The following TMCC1 variants were observed in gnomAD, a reference collection of about 807,000 sequenced individuals.
TMCC1 encodes transmembrane and coiled-coil domains protein 1.
TMCC1 carries 15 observed loss-of-function variants against 52.4 expected under a neutral mutation model. That is an observed-to-expected ratio of 0.29 (90% CI 0.19 to 0.44). TMCC1 has a LOEUF of 0.44. Ranked by LOEUF, TMCC1 falls within the 20% of genes least tolerant of loss-of-function variation. The pLI, the probability that TMCC1 is intolerant of heterozygous loss-of-function variation, is 1.00. For synonymous variants in TMCC1, 279 were observed against 301.9 expected, an observed-to-expected ratio of 0.92 and a Z score of 0.79; for missense variants, 503 against 806.0, an observed-to-expected ratio of 0.62 and a Z score of 4.55.
intron 4 of TMCC1, among the ~76,000 whole-genome samples, chr3:129,676,035 T>TC (rs2088411566): frequency 2.8e-5 from 2 of 70,824 alleles, no homozygotes; most frequent in African/African-American, 2.6e-4. Context: ...AGACTCTGTC[T>TC]CAAAAAAAAA....
chr3:129,754,083 C>T (rs1294308637), intron 4 of TMCC1, among the ~76,000 whole-genome samples: 3 of 152,084 alleles, frequency 2.0e-5, no homozygotes, highest in Non-Finnish European at 4.4e-5. Context: ...TCCTATGTAC[C>T]AGCAATGAGC....
At chr3:129,767,240 G>A (rs1166232280) in intron 4 of TMCC1, among the ~76,000 whole-genome samples, 1 of 146,986 alleles carries the variant, frequency 6.8e-6, no homozygotes, top group African/African-American at 2.5e-5. Flanking sequence ...CAGCCTGGGC[G>A]ACAGTGAGAC....
chr3:129,829,706 G>T (rs1407516804), intron 3 of TMCC1, among the ~76,000 whole-genome samples: 1 of 152,108 alleles, frequency 6.6e-6, no homozygotes, highest in Non-Finnish European at 1.5e-5. Context: ...TACCAATGAA[G>T]CACCATGGTG....
At chr3:129,892,223 A>C (rs1302594379) in intron 1 of TMCC1, among the ~76,000 whole-genome samples, 1 of 152,204 alleles carries the variant, frequency 6.6e-6, no homozygotes, top group Non-Finnish European at 1.5e-5. Flanking sequence ...AGCAGCTCAA[A>C]ACTCTTCAGA....
chr3:129,724,854 A>G (rs2049947484), intron 4 of TMCC1, among the ~76,000 whole-genome samples: 1 of 152,214 alleles, frequency 6.6e-6, no homozygotes, highest in South Asian at 2.1e-4. Flanking sequence ...CAATGGAGAT[A>G]AAAGAAAACT....
chr3:129,671,352 T>C (rs2087926148), intron 4 of TMCC1, 88 bp from the exon 5 acceptor site: 3 of 1,341,228 alleles, frequency 2.2e-6, no homozygotes, highest in South Asian at 3.0e-5. Flanking sequence ...GAAATGTGTC[T>C]ACTCTCAAAT....
chr3:129,746,258 C>T (rs1020491836), intron 4 of TMCC1, among the ~76,000 whole-genome samples: 1 of 152,012 alleles, frequency 6.6e-6, no homozygotes, highest in Admixed American at 6.5e-5. Context: ...GCAACCTCCA[C>T]CCCCCAGCTT....
intron 4 of TMCC1, among the ~76,000 whole-genome samples, chr3:129,686,822 A>G (rs9848099): frequency 0.99 from 150,076 of 152,294 alleles, 73,986 homozygotes; most frequent in East Asian, 1. Context: ...AGAAAAGGAG[A>G]TTGCTACTTT....
chr3:129,893,135 A>T (rs1363526642), intron 1 of TMCC1: 1 of 152,244 alleles, frequency 6.6e-6, no homozygotes, highest in African/African-American at 2.4e-5. Context: ...CGGCTCCTAA[A>T]CAGTCCCTCG....
intron 4 of TMCC1, among the ~76,000 whole-genome samples, chr3:129,712,746 C>A (rs2109000291): frequency 6.6e-6 from 1 of 152,148 alleles, no homozygotes; most frequent in African/African-American, 2.4e-5. Flanking sequence ...AGCCACCACG[C>A]CTGGCCATTT....
At position 129,721,833 on chromosome 3, in the gene TMCC1, G is replaced by A. The variant is rs371157748; in HGVS notation, c.577-50569C>T. ...AGAGCTTGCAGTGAGCCGAGATGGC[G>A]CCACTGCACTCCAGCCTGGGCGACA... On this transcript the variant is annotated intron_variant, in intron 4 of 6. Transcript: ENST00000393238. Among the ~76,000 whole-genome samples the A allele has an allele frequency of 5.9e-5, 9 of 152,002 alleles. No individual in the cohort carries two copies. In the East Asian group the frequency reaches 1.2e-3, roughly 20 times the overall value.
At chr3:129,732,297 G>A (rs2050605250) in intron 4 of TMCC1, among the ~76,000 whole-genome samples, 1 of 152,142 alleles carries the variant, frequency 6.6e-6, no homozygotes, top group African/African-American at 2.4e-5. Flanking sequence ...GGACATCCTT[G>A]CACTGTTCCC....
At chr3:129,670,049 T>C (rs1388414472) in intron 5 of TMCC1, among the ~76,000 whole-genome samples, 1 of 152,244 alleles carries the variant, frequency 6.6e-6, no homozygotes, top group Non-Finnish European at 1.5e-5. Flanking sequence ...TTCAATGTAG[T>C]ACAGTTACAG....
rs922328525 is a variant in TMCC1 at position 129,828,609 on chromosome 3, G to A, written c.-130-101C>T. On this transcript the variant is annotated intron_variant, in intron 3 of 6. Coordinates refer to ENST00000393238, the MANE Select transcript of TMCC1 (RefSeq NM_001017395.5). The surrounding 1 kb of genome is among the most constrained non-coding windows in gnomAD (Gnocchi z 4.1). ...TAAAACAAAGAAAAACATGCTACTGGCCAAACAAATAGGCACTATCATTAA... is the reference window on the plus strand; with the variant it reads ...TAAAACAAAGAAAAACATGCTACTGACCAAACAAATAGGCACTATCATTAA... The A allele has an allele frequency of 6.5e-6, 3 of 463,468 alleles. No homozygotes were observed. Among genetic ancestry groups the A allele is most frequent in the African/African-American group, 4.0e-5 (2 of 50,194 alleles). The allele number at this position is 463,468 out of a possible 1,614,324, so 28.7% of individuals were successfully genotyped here.
chr3:129,760,809 G>T (rs1413946701), intron 4 of TMCC1, among the ~76,000 whole-genome samples: 1 of 151,226 alleles, frequency 6.6e-6, no homozygotes. Context: ...AAGGGGTTTC[G>T]CCATGTTGCC....
At chr3:129,788,870 G>C (rs1247469820) in intron 4 of TMCC1, among the ~76,000 whole-genome samples, 1 of 152,128 alleles carries the variant, frequency 6.6e-6, no homozygotes, top group African/African-American at 2.4e-5. Context: ...TTGGATATTT[G>C]AGTATTCAAG....
At chr3:129,689,542 C>T (rs72977261) in intron 4 of TMCC1, among the ~76,000 whole-genome samples, 3 of 152,132 alleles carry the variant, frequency 2.0e-5, no homozygotes, top group African/African-American at 7.2e-5. Context: ...GCCTATGAGC[C>T]TGGGGGTGTG....
At chr3:129,692,579 A>G (rs1008759719) in intron 4 of TMCC1, among the ~76,000 whole-genome samples, 11 of 152,210 alleles carry the variant, frequency 7.2e-5, no homozygotes, top group African/African-American at 2.7e-4. Context: ...GTGACTATAG[A>G]AAGTCTGCTA....
chr3:129,693,503 A>ATTTTTTTTTT (rs11433105), intron 4 of TMCC1, among the ~76,000 whole-genome samples: 30 of 121,994 alleles, frequency 2.5e-4, no homozygotes, highest in African/African-American at 9.1e-4. Context: ...CCAAGATTGA[A>ATTTTTTTTTT]TTTTTTTTTT....
Sources: gnomAD v4.1 joint callset for allele counts (sites outside exome capture counted in the v4.1 genomes callset) on GRCh38, gnomAD v4.1.1 for gene constraint, Gnocchi (gnomAD v3.1) non-coding constraint, MANE v1.5 for transcripts, NCBI Gene and HGNC (gene_info 2026-07-23, HGNC 2026-07-21) for gene names.